The following ADAMTSL1 variants were observed in gnomAD, a reference collection of about 807,000 sequenced individuals.
ADAMTSL1 encodes the protein ADAMTS like 1.
Under a neutral mutation model 201.8 loss-of-function variants are expected in ADAMTSL1, and 126 were observed. That is an observed-to-expected ratio of 0.62 (90% CI 0.54 to 0.72). The LOEUF (loss-of-function observed/expected upper bound fraction) is 0.72. ADAMTSL1 is among the 30% of genes least tolerant of loss of function. The probability of loss-of-function intolerance (pLI) is 0.00; values close to 1 mark genes in which losing one functional copy is unlikely to be tolerated. For missense variants in ADAMTSL1, 2,679 were observed against 2,277.8 expected, an observed-to-expected ratio of 1.18 and a Z score of -3.59; for synonymous variants, 1,121 against 903.4, an observed-to-expected ratio of 1.24 and a Z score of -4.32.
chr9:18,848,519 C>A (rs887859231), intron 23 of ADAMTSL1, among the ~76,000 whole-genome samples: 1 of 152,166 alleles, frequency 6.6e-6, no homozygotes, highest in African/African-American at 2.4e-5. Context: ...CTTGCCATGG[C>A]CTTGAGCCTC....
chr9:18,637,149 C>T (rs1290229185), intron 6 of ADAMTSL1, among the ~76,000 whole-genome samples: 1 of 152,018 alleles, frequency 6.6e-6, no homozygotes, highest in Non-Finnish European at 1.5e-5. Flanking sequence ...TCAGGCAAAA[C>T]CAGAAAATGA....
intron 1 of ADAMTSL1, among the ~76,000 whole-genome samples, chr9:18,128,386 G>T (rs1164814829): frequency 1.3e-5 from 2 of 152,110 alleles, no homozygotes; most frequent in East Asian, 3.9e-4. Context: ...CCTGGAGACA[G>T]GGTCTCACTC....
intron 1 of ADAMTSL1, among the ~76,000 whole-genome samples, chr9:18,087,342 C>A (rs747075211): frequency 1.3e-5 from 2 of 152,030 alleles, no homozygotes; most frequent in Non-Finnish European, 2.9e-5. Flanking sequence ...ATTTTTAAAG[C>A]AATTAAGTTT....
intron 1 of ADAMTSL1, among the ~76,000 whole-genome samples, chr9:18,162,309 C>T (rs755903917): frequency 6.6e-6 from 1 of 151,910 alleles, no homozygotes; most frequent in African/African-American, 2.4e-5. Context: ...CTCCCTCAGC[C>T]TGGAGAAAGC....
intron 1 of ADAMTSL1, among the ~76,000 whole-genome samples, chr9:18,143,059 A>G (rs2132013249): frequency 6.6e-6 from 1 of 152,206 alleles, no homozygotes; most frequent in East Asian, 1.9e-4. Flanking sequence ...TGGCAGTTTC[A>G]CTCCAATGCT....
chr9:18,622,252 T>C lies in ADAMTSL1; in HGVS notation c.484T>C (p.Cys162Arg). The change falls in exon 5 of 29, where the codon TGC becomes CGC. Residue 162 changes from cysteine (C) to arginine (R), a missense_variant. Transcript: ENST00000380548. The part of the protein sequence containing the change: ...CISGLCQIVG[C>R]DHQLGSTVKE... ...CTCTCTTTCTTGTTAGATTGTTGGCTGCGATCACCAGCTGGGAAGCACCGT... is the reference window on the plus strand; with the variant it reads ...CTCTCTTTCTTGTTAGATTGTTGGCCGCGATCACCAGCTGGGAAGCACCGT... 6.2e-7 allele frequency: 1 copy of C among 1,613,864 alleles called. No individual in the cohort carries two copies. Among genetic ancestry groups the C allele is most frequent in the Non-Finnish European group, 8.5e-7 (1 of 1,179,856 alleles).
intron 4 of ADAMTSL1, among the ~76,000 whole-genome samples, chr9:18,595,489 G>A (rs943899924): frequency 6.6e-6 from 1 of 152,180 alleles, no homozygotes; most frequent in Admixed American, 6.5e-5. Context: ...TGCACAGGTA[G>A]GATGGTTCTC....
At chr9:18,438,772 G>T (rs1364699839) in intron 2 of ADAMTSL1, among the ~76,000 whole-genome samples, 2 of 152,092 alleles carry the variant, frequency 1.3e-5, no homozygotes, top group Non-Finnish European at 2.9e-5. Context: ...ACGAGCCGGC[G>T]CAGAGTCTGC....
At chr9:18,543,848 C>A (rs1820314338) in intron 3 of ADAMTSL1, among the ~76,000 whole-genome samples, 1 of 152,150 alleles carries the variant, frequency 6.6e-6, no homozygotes, top group Non-Finnish European at 1.5e-5. Context: ...TTTTCCTCTC[C>A]TCTCGGCCTT....
chr9:18,770,118 C>G (rs1397804097), intron 16 of ADAMTSL1, among the ~76,000 whole-genome samples: 1 of 152,160 alleles, frequency 6.6e-6, no homozygotes, highest in Admixed American at 6.5e-5. Flanking sequence ...GACCCTAAAT[C>G]TAATGCCCAT....
intron 15 of ADAMTSL1, among the ~76,000 whole-genome samples, chr9:18,733,932 C>A (rs866503335): frequency 6.6e-6 from 1 of 151,536 alleles, no homozygotes; most frequent in Non-Finnish European, 1.5e-5. Context: ...CTCAACTCAG[C>A]TAAGAATTAG....
At chr9:18,142,286 C>T (rs1587144692) in intron 1 of ADAMTSL1, among the ~76,000 whole-genome samples, 1 of 152,154 alleles carries the variant, frequency 6.6e-6, no homozygotes, top group African/African-American at 2.4e-5. Context: ...CAAGCAGCAC[C>T]CATATTCCTT....
intron 1 of ADAMTSL1, among the ~76,000 whole-genome samples, chr9:18,481,338 A>T (rs1821718716): frequency 6.6e-6 from 1 of 152,100 alleles, no homozygotes; most frequent in African/African-American, 2.4e-5. Context: ...TGAGGTCAGG[A>T]GTTCGAGACC....
intron 2 of ADAMTSL1, among the ~76,000 whole-genome samples, chr9:18,212,663 C>T (rs1176496484): frequency 1.3e-5 from 2 of 152,120 alleles, no homozygotes; most frequent in Non-Finnish European, 2.9e-5. Flanking sequence ...AAAATGTATA[C>T]ATTTCAAAAG....
chr9:18,456,754 C>A (rs1394920289), intron 2 of ADAMTSL1, among the ~76,000 whole-genome samples: 1 of 152,212 alleles, frequency 6.6e-6, no homozygotes, highest in Non-Finnish European at 1.5e-5. Context: ...CCTTCCTGTT[C>A]ACTGTGATCT....
At chr9:18,326,438 A>G (rs1834834032) in intron 2 of ADAMTSL1, among the ~76,000 whole-genome samples, 1 of 151,962 alleles carries the variant, frequency 6.6e-6, no homozygotes. Context: ...TACCTAAAAA[A>G]AAAAAAGTGG....
intron 13 of ADAMTSL1, among the ~76,000 whole-genome samples, chr9:18,685,301 T>C (rs967542344): frequency 1.3e-5 from 2 of 152,254 alleles, no homozygotes. Flanking sequence ...CACTTGATTA[T>C]GTCCCATGTC....
chr9:18,305,393 C>G (rs1359575867), intron 2 of ADAMTSL1, among the ~76,000 whole-genome samples: 1 of 152,210 alleles, frequency 6.6e-6, no homozygotes. Context: ...TGAAGCCAGG[C>G]AGCTAAGTGG....
chr9:18,839,331 A>G (rs572901309), intron 23 of ADAMTSL1, among the ~76,000 whole-genome samples: 23 of 151,838 alleles, frequency 1.5e-4, no homozygotes, highest in Non-Finnish European at 2.6e-4. Context: ...ATGATTTCCA[A>G]TTTCATGCAT....
Sources: gnomAD v4.1 joint callset for allele counts (sites outside exome capture counted in the v4.1 genomes callset) on GRCh38, gnomAD v4.1.1 for gene constraint, MANE v1.5 for transcripts, NCBI Gene and HGNC (gene_info 2026-07-23, HGNC 2026-07-21) for gene names.